The following POF1B variants were observed in gnomAD, a reference collection of about 807,000 sequenced individuals.
The protein encoded by POF1B is POF1B actin binding protein.
In POF1B, 53 loss-of-function variants were observed where a neutral mutation model predicts 55.3. The ratio of observed to expected loss-of-function variants is 0.96; its 90% CI spans 0.77 to 1.20. POF1B has a LOEUF of 1.20. Ranked by LOEUF, POF1B falls within the 50% of genes most tolerant of loss-of-function variation. POF1B has a pLI of 0.00. For missense variants in POF1B, 478 were observed against 420.5 expected (o/e 1.14, Z -1.20); for synonymous variants, 188 against 148.3 (o/e 1.27, Z -1.95).
At chrX:85,350,037 T>A (rs1933347386) in intron 5 of POF1B, among the ~76,000 whole-genome samples, 2 of 110,775 alleles carry the variant, frequency 1.8e-5, no homozygotes, top group Middle Eastern at 4.6e-3. Context: ...TGCAGTTTTT[T>A]TTATTATTAT....
At chrX:85,321,670 A>G (rs1932839193) in intron 7 of POF1B, among the ~76,000 whole-genome samples, 1 of 102,582 alleles carries the variant, frequency 9.7e-6, no homozygotes, top group Non-Finnish European at 2.0e-5. Context: ...TTTGCAGACG[A>G]CATGATTGTA....
chrX:85,279,544 T>C, intron 16 of POF1B, 118 bp from the exon 17 acceptor site: 4 of 615,395 alleles, frequency 6.5e-6, no homozygotes, highest in Non-Finnish European at 7.6e-6. Flanking sequence ...AGGACATGTA[T>C]TGCACTTTTG....
At chrX:85,351,157 G>T (rs1008502895) in intron 5 of POF1B, among the ~76,000 whole-genome samples, 193 bp downstream of exon 5, 6 of 110,796 alleles carry the variant, frequency 5.4e-5, no homozygotes, top group Admixed American at 1.9e-4. Flanking sequence ...GTAAAATGAG[G>T]ACAATAATAC....
intron 15 of POF1B, among the ~76,000 whole-genome samples, chrX:85,297,815 G>A (rs968646462): frequency 5.4e-5 from 6 of 111,837 alleles, no homozygotes; most frequent in African/African-American, 1.3e-4. Flanking sequence ...CAGAGATTTT[G>A]TCTAGCAGAC....
At chrX:85,306,041 GA>G in intron 12 of POF1B, 131 bp from the exon 13 acceptor site, 1 of 960,233 alleles carries the variant, frequency 1.0e-6, no homozygotes. Context: ...TGATTTTCAG[GA>G]ACTGCATTAT....
intron 15 of POF1B, among the ~76,000 whole-genome samples, chrX:85,302,342 T>G (rs1431598430): frequency 9.0e-6 from 1 of 111,383 alleles, no homozygotes; most frequent in Admixed American, 9.6e-5. Flanking sequence ...TAAAAATTGC[T>G]AAAAAACATT....
chrX:85,364,759 T>C (rs1933687688), intron 3 of POF1B, among the ~76,000 whole-genome samples: 1 of 111,665 alleles, frequency 9.0e-6, no homozygotes, highest in Non-Finnish European at 1.9e-5. Context: ...GAATCTTGCA[T>C]GGTTCTCTGT....
chrX:85,344,269 A>G (rs1408312511), intron 6 of POF1B, among the ~76,000 whole-genome samples: 5 of 111,216 alleles, frequency 4.5e-5, no homozygotes, highest in Non-Finnish European at 3.8e-5. Flanking sequence ...TCCCAAATCT[A>G]TAACTTTGTT....
intron 7 of POF1B, among the ~76,000 whole-genome samples, chrX:85,322,015 T>C (rs1413639662): frequency 9.0e-6 from 1 of 110,706 alleles, no homozygotes; most frequent in East Asian, 2.8e-4. Flanking sequence ...ATGGCCATAC[T>C]GCCCAAGGTA....
intron 8 of POF1B, 139 bp downstream of exon 8, chrX:85,315,568 C>A (rs1239233075): frequency 7.9e-6 from 3 of 379,172 alleles, no homozygotes; most frequent in Admixed American, 5.9e-5. Context: ...ATTTTAAAGG[C>A]AAAATGGCCA....
intron 3 of POF1B, among the ~76,000 whole-genome samples, chrX:85,361,133 T>C (rs1331569090): frequency 8.9e-6 from 1 of 112,118 alleles, no homozygotes; most frequent in Admixed American, 9.5e-5. Flanking sequence ...ATTAGACTTG[T>C]CAAATGTGTA....
At chrX:85,331,119 T>G in intron 6 of POF1B, 40 bp from the exon 7 acceptor site, 1 of 1,145,275 alleles carries the variant, frequency 8.7e-7, no homozygotes, top group Non-Finnish European at 1.2e-6. Context: ...CAATATTAAG[T>G]TTTTCTAAGT....
chrX:85,326,375 C>T (rs1374937964), intron 7 of POF1B, among the ~76,000 whole-genome samples: 1 of 109,827 alleles, frequency 9.1e-6, no homozygotes, highest in East Asian at 2.9e-4. Flanking sequence ...CTGGACTGTG[C>T]GCGCCCTTTG....
At chrX:85,376,738 A>C (rs1933930358) in intron 2 of POF1B, among the ~76,000 whole-genome samples, 1 of 111,632 alleles carries the variant, frequency 9.0e-6, no homozygotes, top group Non-Finnish European at 1.9e-5. Context: ...CAAAAGCTAG[A>C]AATGGAAAAT....
intron 15 of POF1B, among the ~76,000 whole-genome samples, chrX:85,283,518 A>G (rs1368770494): frequency 9.0e-6 from 1 of 111,305 alleles, no homozygotes; most frequent in Non-Finnish European, 1.9e-5. Context: ...AATTTAAAAT[A>G]AAACATAAAA....
chrX:85,320,305 C>T (rs1213523811), intron 7 of POF1B, among the ~76,000 whole-genome samples: 11 of 110,666 alleles, frequency 9.9e-5, no homozygotes, highest in Non-Finnish European at 1.9e-4. Flanking sequence ...AACCGCACAA[C>T]TACATGGAAA....
At chrX:85,362,468 T>C (rs906125600) in intron 3 of POF1B, among the ~76,000 whole-genome samples, 2 of 112,197 alleles carry the variant, frequency 1.8e-5, no homozygotes, top group African/African-American at 6.5e-5. Context: ...TGTTAAATTT[T>C]ATCAAAAGCC....
At chrX:85,314,612 CTAATTCACTTT>C (rs1932767437) in intron 8 of POF1B, 106 bp from the exon 9 acceptor site, 1 of 453,476 alleles carries the variant, frequency 2.2e-6, no homozygotes, top group Non-Finnish European at 3.3e-6. Flanking sequence ...TATTAAAAGA[CTAATTCACTTT>C]TTGAGAAACA....
rs906859371 is a variant in POF1B, at chrX:85,372,658, G to T, written c.283-4892C>A. ...TTGATGGGTGCAGCAAACCACCATT[G>T]CCCGTTTATACCTATGTAACAAAAC... On this transcript the variant is annotated intron_variant, in intron 2 of 16. Transcript: ENST00000262753. Among the ~76,000 whole-genome samples the T allele has an allele frequency of 1.7e-4, 18 of 105,668 alleles. 1 individual carries two copies. Among genetic ancestry groups the T allele is most frequent in the Middle Eastern group, 8.8e-3 (2 of 226 alleles). 91.8% of individuals were successfully genotyped at this position (105,668 alleles called of 115,157 possible). A position where few individuals can be genotyped will look rare whatever the true frequency, so the allele number is the denominator to read the frequency against.
Sources: gnomAD v4.1 joint callset for allele counts (sites outside exome capture counted in the v4.1 genomes callset) on GRCh38, gnomAD v4.1.1 for gene constraint, MANE v1.5 for transcripts, NCBI Gene and HGNC (gene_info 2026-07-23, HGNC 2026-07-21) for gene names.